CERS3: variants seen among roughly 807,000 people sequenced by gnomAD.
The protein encoded by CERS3 is ceramide synthase 3.
A neutral mutation model predicts 50.3 loss-of-function variants in CERS3; 33 were observed. The ratio of observed to expected loss-of-function variants is 0.66; its 90% confidence interval spans 0.50 to 0.88. CERS3 has a LOEUF of 0.88. Among genes scored for constraint, CERS3 ranks in the 40% least tolerant of loss-of-function variants. The pLI is 0.00. For synonymous variants in CERS3, 176 were observed against 155.2 expected (o/e 1.13, Z -0.99); for missense variants, 470 against 460.3 (o/e 1.02, Z -0.19).
At chr15:100,405,253 AAAAAAC>A (rs1441266230) in intron 11 of CERS3, among the ~76,000 whole-genome samples, 36 of 123,390 alleles carry the variant, frequency 2.9e-4, no homozygotes, top group African/African-American at 9.0e-4. Flanking sequence ...AAAAAACAAA[AAAAAAC>A]CCCTAATTTA....
intron 1 of CERS3, among the ~76,000 whole-genome samples, chr15:100,525,337 A>T (rs1389815114): frequency 6.6e-6 from 1 of 152,242 alleles, no homozygotes; most frequent in Non-Finnish European, 1.5e-5. Flanking sequence ...TAGGCCAAAA[A>T]AATAAATAAC....
Position 100,466,839 on chromosome 15 carries a change from C to CTTT in CERS3, c.845+2538_845+2539insAAA, listed in dbSNP as rs1491512108. On this transcript the variant is annotated intron_variant, in intron 10 of 11. Coordinates refer to ENST00000679737, the MANE Select transcript of CERS3 (RefSeq NM_001378789.1). ...TCCCTCTCTCCCTCTCTCCCTCTCTCCCTCTCTCTTTCTCTCTTTCTTTCT... is the reference window on the plus strand; with the variant it reads ...TCCCTCTCTCCCTCTCTCCCTCTCTCTTTCCTCTCTCTTTCTCTCTTTCTTTCT... Among the ~76,000 whole-genome samples the CTTT allele has an allele frequency of 6.3e-5, 6 of 95,806 alleles. 1 individual carries two copies. The highest frequency in any genetic ancestry group is 2.1e-4 in the African/African-American group (5 of 23,954). The allele number at this position is 95,806 out of a possible 152,430, so 62.9% of individuals were successfully genotyped here. A position where few individuals can be genotyped will look rare whatever the true frequency, so the allele number is the denominator to read the frequency against.
chr15:100,531,230 G>A (rs2036931585), upstream of CERS3, among the ~76,000 whole-genome samples: 1 of 152,208 alleles, frequency 6.6e-6, no homozygotes, highest in African/African-American at 2.4e-5. Flanking sequence ...TTTAGACATA[G>A]TTCTATAACT....
intron 11 of CERS3, among the ~76,000 whole-genome samples, chr15:100,406,526 G>C (rs116388518): frequency 6.6e-6 from 1 of 152,140 alleles, no homozygotes; most frequent in South Asian, 2.1e-4. Context: ...CTGTATGTTC[G>C]GTGCTTTTCC....
chr15:100,410,021 A>G (rs767088917), intron 11 of CERS3, among the ~76,000 whole-genome samples: 2 of 152,200 alleles, frequency 1.3e-5, no homozygotes, highest in Admixed American at 6.5e-5. Flanking sequence ...AGCCGCCATT[A>G]CAGAGCATAT....
rs199679139 is a variant in CERS3, at chr15:100,436,946, T to TC, written c.999+18946_999+18947insG. Among the ~76,000 whole-genome samples the TC allele has an allele frequency of 5.7e-3, 848 of 149,456 alleles. 20 individuals carry two copies. Among genetic ancestry groups the TC allele is most frequent in the Admixed American group, 0.046 (685 of 15,014 alleles). On this transcript the variant is annotated intron_variant, in intron 11 of 11. Coordinates refer to ENST00000679737, the MANE Select transcript of CERS3 (RefSeq NM_001378789.1). ...GTAGCATCTGTTCTTTCCTGACTTT[T>TC]TTTTTTTTTTTTTTTGAGATGGAGT...
intron 1 of CERS3, among the ~76,000 whole-genome samples, chr15:100,526,862 G>C (rs548080987): frequency 6.6e-6 from 1 of 152,170 alleles, no homozygotes; most frequent in African/African-American, 2.4e-5. Context: ...AATGAATACT[G>C]TTTACCAAGG....
chr15:100,514,773 T>G (rs1179644702), intron 2 of CERS3, among the ~76,000 whole-genome samples: 1 of 117,828 alleles, frequency 8.5e-6, no homozygotes, highest in African/African-American at 3.2e-5. Flanking sequence ...ACATATCACA[T>G]GTATGTGTGT....
Position 100,483,787 on chromosome 15 carries a change from A to ATTATTTTTTTTTT in CERS3, c.407+762_407+763insAAAAAAAAAATAA, listed in dbSNP as rs760594142. Among the ~76,000 whole-genome samples the ATTATTTTTTTTTT allele has an allele frequency of 1.0e-3, 105 of 100,014 alleles. 3 individuals carry two copies. Among genetic ancestry groups the ATTATTTTTTTTTT allele is most frequent in the Admixed American group, 1.5e-3 (12 of 8,052 alleles). 65.6% of individuals were successfully genotyped at this position (100,014 alleles called of 152,430 possible). A position where few individuals can be genotyped will look rare whatever the true frequency, so the allele number is the denominator to read the frequency against. ...AATAATAATAATAATTATTATTATT[A>ATTATTTTTTTTTT]TTTTTTTTTTTGAGACAGAGTCTTG... On this transcript the variant is annotated intron_variant, in intron 5 of 11. Coordinates refer to ENST00000679737, the MANE Select transcript of CERS3 (RefSeq NM_001378789.1).
intron 11 of CERS3, among the ~76,000 whole-genome samples, chr15:100,425,609 G>A (rs976764023): frequency 2.0e-5 from 3 of 152,160 alleles, no homozygotes; most frequent in South Asian, 2.1e-4. Context: ...ATTAATTGCT[G>A]TTTTATTTTA....
chr15:100,410,482 C>T (rs1204778089), intron 11 of CERS3, among the ~76,000 whole-genome samples: 1 of 152,092 alleles, frequency 6.6e-6, no homozygotes, highest in East Asian at 1.9e-4. Flanking sequence ...ATGACCTTCC[C>T]CTGATTAAAG....
intron 10 of CERS3, among the ~76,000 whole-genome samples, chr15:100,468,851 G>C (rs1175465849): frequency 6.6e-6 from 1 of 152,164 alleles, no homozygotes; most frequent in African/African-American, 2.4e-5. Flanking sequence ...ACCATAATTA[G>C]AACCAGTGGT....
At chr15:100,499,885 C>T in intron 3 of CERS3, among the ~76,000 whole-genome samples, 1 of 152,178 alleles carries the variant, frequency 6.6e-6, no homozygotes, top group East Asian at 1.9e-4. Flanking sequence ...TAAACCTGAG[C>T]TCATGGGTTC....
intron 3 of CERS3, among the ~76,000 whole-genome samples, chr15:100,499,773 T>TTTG (rs1230201019): frequency 2.6e-5 from 4 of 152,224 alleles, no homozygotes; most frequent in Admixed American, 6.5e-5. Flanking sequence ...GCTTTCTGTA[T>TTTG]TCCCAAGAGA....
chr15:100,443,943 C>A (rs1939261305), intron 11 of CERS3, among the ~76,000 whole-genome samples: 2 of 152,198 alleles, frequency 1.3e-5, no homozygotes, highest in Admixed American at 1.3e-4. Flanking sequence ...CCTTTCCCCA[C>A]TCCTCTTTCC....
Position 100,460,778 on chromosome 15 carries a change from AT to A in CERS3, c.846-4733del. Among the ~76,000 whole-genome samples, 3 of 152,284 alleles carry A rather than the reference AT, an allele frequency of 2.0e-5. 1 individual carries two copies. In the Middle Eastern group the frequency reaches 0.01, roughly 518 times the overall value. ...CTATTGGGAATTTGTCAGTGTTATT[AT>A]TGACAAAAGGACCTACTCAAAAATA... On this transcript the variant is annotated intron_variant, in intron 10 of 11. Coordinates refer to ENST00000679737, the MANE Select transcript of CERS3 (RefSeq NM_001378789.1).
chr15:100,445,670 C>T, intron 11 of CERS3, among the ~76,000 whole-genome samples: 1 of 152,218 alleles, frequency 6.6e-6, no homozygotes, highest in Non-Finnish European at 1.5e-5. Context: ...CACGCCGCCC[C>T]TAATCCCACT....
At chr15:100,447,828 C>T (rs2033999940) in intron 11 of CERS3, among the ~76,000 whole-genome samples, 2 of 152,172 alleles carry the variant, frequency 1.3e-5, no homozygotes, top group African/African-American at 2.4e-5. Flanking sequence ...GGGCTATTTC[C>T]CCTAAAGTCA....
At chr15:100,416,655 C>G (rs1204586518) in intron 11 of CERS3, among the ~76,000 whole-genome samples, 1 of 152,094 alleles carries the variant, frequency 6.6e-6, no homozygotes, top group Non-Finnish European at 1.5e-5. Flanking sequence ...GGAGGAAGAG[C>G]CCCTTATAAA....
Sources: allele counts gnomAD v4.1 joint callset (sites outside exome capture counted in the v4.1 genomes callset), GRCh38; gene constraint gnomAD v4.1.1; transcripts MANE v1.5; gene names NCBI Gene and HGNC (gene_info 2026-07-23, HGNC 2026-07-21).